Variants in UVRAG observed in about 807,000 individuals in gnomAD.
The protein encoded by UVRAG is UV radiation resistance associated, also known as UV radiation resistance-associated gene protein.
UVRAG carries 19 observed loss-of-function variants against 78.0 expected under a neutral mutation model. The observed-to-expected ratio is 0.24, with a 90% CI of 0.17 to 0.36. The LOEUF (loss-of-function observed/expected upper bound fraction) is 0.36, where lower values mean the gene tolerates loss of function less well. Among genes scored for constraint, UVRAG ranks in the 10% least tolerant of loss-of-function variants. The pLI is 1.00. For missense variants in UVRAG, 740 were observed against 853.8 expected, an observed-to-expected ratio of 0.87 and a Z score of 1.66; for synonymous variants, 323 against 324.6, an observed-to-expected ratio of 1.00 and a Z score of 0.05.
intron 1 of UVRAG, among the ~76,000 whole-genome samples, chr11:75,822,005 C>T (rs1002605842): frequency 1.4e-5 from 2 of 144,170 alleles, no homozygotes; most frequent in Non-Finnish European, 3.0e-5. Context: ...AGTGCAATGG[C>T]ACAATGTCAG....
chr11:76,113,394 A>G (rs770649615), intron 13 of UVRAG, among the ~76,000 whole-genome samples: 1 of 152,156 alleles, frequency 6.6e-6, no homozygotes, highest in Non-Finnish European at 1.5e-5. Flanking sequence ...TGGTGGGAGC[A>G]TAGTAGATGA....
intron 2 of UVRAG, among the ~76,000 whole-genome samples, chr11:75,858,216 C>A (rs1946336872): frequency 6.6e-6 from 1 of 151,992 alleles, no homozygotes; most frequent in Non-Finnish European, 1.5e-5. Flanking sequence ...CTTTCACCAG[C>A]CTTCTGTCAC....
chr11:75,930,303 A>G (rs1948206965), intron 6 of UVRAG, among the ~76,000 whole-genome samples: 1 of 152,150 alleles, frequency 6.6e-6, no homozygotes, highest in African/African-American at 2.4e-5. Context: ...GCTTAATGAA[A>G]GTCTTTTATA....
chr11:75,951,216 T>C (rs1948689903), intron 6 of UVRAG, among the ~76,000 whole-genome samples: 1 of 152,128 alleles, frequency 6.6e-6, no homozygotes, highest in Non-Finnish European at 1.5e-5. Flanking sequence ...TAAGGTTCAT[T>C]TATTTCCTAT....
chr11:75,849,459 A>T (rs955390742), intron 1 of UVRAG, among the ~76,000 whole-genome samples: 3 of 149,948 alleles, frequency 2.0e-5, no homozygotes, highest in Non-Finnish European at 2.9e-5. Context: ...GCGCCACTGC[A>T]CTCCAGCCTG....
chr11:76,127,058 A>G (rs1952413287), intron 14 of UVRAG, among the ~76,000 whole-genome samples: 2 of 152,170 alleles, frequency 1.3e-5, no homozygotes, highest in Non-Finnish European at 2.9e-5. Context: ...CAAAGTGTGT[A>G]TTGTATTCAG....
At chr11:75,884,240 T>TCTCTCTCTCTCTTTCTCTCTCTCTCTC (rs1555080662) in intron 4 of UVRAG, among the ~76,000 whole-genome samples, 1 of 132,468 alleles carries the variant, frequency 7.5e-6, no homozygotes, top group African/African-American at 3.2e-5. Context: ...CTCTCTCTCT[T>TCTCTCTCTCTCTTTCTCTCTCTCTCTC]TCTCTCTCTC....
At chr11:76,003,167 C>G (rs1949851656) in intron 8 of UVRAG, among the ~76,000 whole-genome samples, 1 of 151,174 alleles carries the variant, frequency 6.6e-6, no homozygotes, top group Admixed American at 6.6e-5. Flanking sequence ...TTTTGTACAG[C>G]CATAACTCAG....
chr11:75,984,966 G>A (rs1178638639), intron 8 of UVRAG, among the ~76,000 whole-genome samples: 5 of 151,976 alleles, frequency 3.3e-5, no homozygotes, highest in Admixed American at 1.3e-4. Context: ...ACTTTCATAC[G>A]TTTCTTAATA....
chr11:75,826,813 T>G (rs1945522346), intron 1 of UVRAG, among the ~76,000 whole-genome samples: 1 of 152,078 alleles, frequency 6.6e-6, no homozygotes, highest in African/African-American at 2.4e-5. Flanking sequence ...TATTTGGTGT[T>G]GATTGCTGTA....
At chr11:75,982,679 G>GT (rs947682692) in intron 7 of UVRAG, among the ~76,000 whole-genome samples, 3 of 152,146 alleles carry the variant, frequency 2.0e-5, no homozygotes, top group Non-Finnish European at 4.4e-5. Flanking sequence ...CCTCGGTTTG[G>GT]TTTGGCAAAC....
At position 75,981,452 on chromosome 11, in the gene UVRAG, G is replaced by GTT. The variant is rs371455744; in HGVS notation, c.700-1926_700-1925dup. Among the ~76,000 whole-genome samples the GTT allele has an allele frequency of 7.1e-4, 104 of 146,784 alleles. 1 individual carries two copies. The highest frequency in any genetic ancestry group is 2.6e-3 in the African/African-American group (103 of 39,950). On this transcript the variant is annotated intron_variant, in intron 7 of 14. Coordinates refer to ENST00000356136, the MANE Select transcript of UVRAG (RefSeq NM_003369.4). ...TTTAGCCACTATTTCTTTTCTTTTC[G>GTT]TTTTTTTTTTGTGTGTGTGACAGGG...
chr11:76,022,592 C>T (rs375056746), intron 12 of UVRAG, among the ~76,000 whole-genome samples: 6 of 152,114 alleles, frequency 3.9e-5, no homozygotes, highest in Admixed American at 6.6e-5. Context: ...GTATGACCAC[C>T]CCAGCTCTCC....
intron 9 of UVRAG, among the ~76,000 whole-genome samples, chr11:76,007,308 T>C (rs1949962681): frequency 6.6e-6 from 1 of 152,128 alleles, no homozygotes; most frequent in Non-Finnish European, 1.5e-5. Context: ...TTTCTTAGCA[T>C]GGTACTAATC....
At chr11:76,091,542 ACTT>A (rs1396380443) in intron 13 of UVRAG, among the ~76,000 whole-genome samples, 1 of 151,694 alleles carries the variant, frequency 6.6e-6, no homozygotes, top group Non-Finnish European at 1.5e-5. Flanking sequence ...TAATTTTCTT[ACTT>A]CTTCTCTCCT....
chr11:75,888,939 A>G, intron 5 of UVRAG, 36 bp downstream of exon 5: 1 of 1,575,462 alleles, frequency 6.3e-7, no homozygotes, highest in Non-Finnish European at 8.7e-7. Flanking sequence ...AATTTTGTTT[A>G]GTGCAGGTGT....
At chr11:76,125,512 G>C (rs1016956830) in intron 14 of UVRAG, among the ~76,000 whole-genome samples, 1 of 149,908 alleles carries the variant, frequency 6.7e-6, no homozygotes, top group African/African-American at 2.5e-5. Context: ...CCCCTCCTGC[G>C]GTTAACACCC....
intron 12 of UVRAG, among the ~76,000 whole-genome samples, chr11:76,060,678 G>A (rs1359872725): frequency 6.6e-6 from 1 of 152,218 alleles, no homozygotes; most frequent in Non-Finnish European, 1.5e-5. Flanking sequence ...GGCCCTGCTG[G>A]CCCCAGGCAG....
intron 3 of UVRAG, among the ~76,000 whole-genome samples, chr11:75,879,192 A>G (rs1946886224): frequency 6.6e-6 from 1 of 152,218 alleles, no homozygotes; most frequent in Non-Finnish European, 1.5e-5. Flanking sequence ...AGCAAAAGGC[A>G]TAAAAGATCC....
Sources: gnomAD v4.1 joint callset for allele counts (sites outside exome capture counted in the v4.1 genomes callset) on GRCh38, gnomAD v4.1.1 for gene constraint, MANE v1.5 for transcripts, NCBI Gene and HGNC (gene_info 2026-07-23, HGNC 2026-07-21) for gene names.